Variants in DST observed in about 807,000 individuals in gnomAD.
DST encodes bullous pemphigoid antigen.
Under a neutral mutation model 875.2 loss-of-function variants are expected in DST, and 253 were observed. The ratio of observed to expected loss-of-function variants is 0.29; its 90% CI spans 0.26 to 0.32. The LOEUF (loss-of-function observed/expected upper bound fraction) is 0.32, where lower values mean the gene tolerates loss of function less well. Among genes scored for constraint, DST ranks in the 10% least tolerant of loss-of-function variants. The pLI, the probability that DST is intolerant of heterozygous loss-of-function variation, is 1.00. For missense variants in DST, 8,287 were observed against 9,111.6 expected (o/e 0.91, Z 3.68); for synonymous variants, 3,124 against 3,197.1 (o/e 0.98, Z 0.77).
At chr6:56,634,773 C>G (rs760347507) in intron 25 of DST, 28 bp downstream of exon 25, 20 of 1,611,558 alleles carry the variant, frequency 1.2e-5, no homozygotes, top group Non-Finnish European at 1.7e-5. Context: ...ATGACAGAAA[C>G]TGGTCTGTTT....
intron 5 of DST, among the ~76,000 whole-genome samples, chr6:56,732,526 C>G (rs913068549): frequency 6.6e-6 from 1 of 151,822 alleles, no homozygotes; most frequent in Non-Finnish European, 1.5e-5. Flanking sequence ...GAAACTGTAT[C>G]GAAGAGCAAA....
At chr6:56,841,214 A>T (rs1043555868) in intron 4 of DST, among the ~76,000 whole-genome samples, 1 of 152,224 alleles carries the variant, frequency 6.6e-6, no homozygotes, top group Admixed American at 6.5e-5. Flanking sequence ...GCTTCAAAAC[A>T]CATCGGGAAA....
chr6:56,715,796 C>T (rs996721885), intron 5 of DST, among the ~76,000 whole-genome samples: 1 of 152,118 alleles, frequency 6.6e-6, no homozygotes, highest in African/African-American at 2.4e-5. Flanking sequence ...GCAGCTTCCC[C>T]AGAGCTCAGA....
At chr6:56,599,878 C>T (rs901373375) in intron 45 of DST, among the ~76,000 whole-genome samples, 191 bp downstream of exon 45, 1 of 152,040 alleles carries the variant, frequency 6.6e-6, no homozygotes, top group African/African-American at 2.4e-5. Flanking sequence ...AAAAAAATTA[C>T]CTAGCTTGCT....
intron 75 of DST, 96 bp from the exon 76 acceptor site, chr6:56,506,885 G>A: frequency 8.0e-7 from 1 of 1,254,408 alleles, no homozygotes; most frequent in Non-Finnish European, 1.1e-6. Flanking sequence ...ATTTCTAGAA[G>A]GTGGCATTCT....
intron 5 of DST, among the ~76,000 whole-genome samples, chr6:56,715,525 C>A (rs1283976496): frequency 3.9e-5 from 6 of 152,122 alleles, no homozygotes; most frequent in Non-Finnish European, 7.4e-5. Flanking sequence ...TCACCAAGCG[C>A]AAAGAGGGAG....
At chr6:56,777,803 T>C (rs1186651275) in intron 4 of DST, among the ~76,000 whole-genome samples, 2 of 151,732 alleles carry the variant, frequency 1.3e-5, no homozygotes, top group Non-Finnish European at 2.9e-5. Context: ...GCCCAAGCCA[T>C]CCTCCCACCT....
Position 56,625,256 on chromosome 6 carries a change from T to C in DST, c.4731A>G (p.Glu1577=), listed in dbSNP as rs749372301. 1.2e-6 allele frequency: 2 copies of C among 1,608,498 alleles called. No individual in the cohort carries two copies. The highest frequency in any genetic ancestry group is 1.3e-5 in the African/African-American group (1 of 74,794). The change falls in exon 35 of 104, where the codon GAA becomes GAG. Residue 1577 remains glutamate (E), a synonymous_variant. Coordinates refer to ENST00000680361, the MANE Select transcript of DST (RefSeq NM_001374736.1). ...TGGCCCGGTAGGTCATTGTTTGTAA[T>C]TCATAGTCCTGTATAAAGGAGTCAA... ...EQYSATVKDY[E]LQTMTYRAMV... is the part of the protein sequence containing the mutation.
chr6:56,566,333 A>C (rs1267737299), intron 55 of DST, among the ~76,000 whole-genome samples: 2 of 152,180 alleles, frequency 1.3e-5, no homozygotes, highest in African/African-American at 2.4e-5. Context: ...TGGTGCAGGC[A>C]CCCGAGGGAA....
In DST at chr6:56,605,200, G is replaced by A. The variant is rs2098483567; in HGVS notation, c.9428C>T (p.Thr3143Ile). 3.7e-6 allele frequency: 6 copies of A among 1,611,824 alleles called. No individual in the cohort carries two copies. The highest frequency in any genetic ancestry group is 4.2e-6 in the Non-Finnish European group (5 of 1,178,826). Residue 3143 changes from threonine (T) to isoleucine (I), a missense_variant, in exon 40 of 104, where the codon ACA (threonine) becomes ATA (isoleucine). Thr to Ile is a moderately conservative substitution (Grantham distance 89). Transcript: ENST00000680361. Reference protein sequence around the residue: ...QFENLEEIFDTSVSKEISDDI... With the variant: ...QFENLEEIFDISVSKEISDDI... ...ATCACTAATCTCTTTGGAAACTGAT[G>A]TGTCAAAAATTTCTTCAAGATTCTC... is the stretch of plus-strand genomic sequence containing the variant.
chr6:56,620,046 A>C, intron 36 of DST: 1 of 1,613,828 alleles, frequency 6.2e-7, no homozygotes, highest in African/African-American at 1.3e-5. Flanking sequence ...TTTTCTCTAC[A>C]TGTATACTGA....
chr6:56,730,688 T>C (rs1563911356), intron 5 of DST, among the ~76,000 whole-genome samples: 1 of 152,198 alleles, frequency 6.6e-6, no homozygotes, highest in Non-Finnish European at 1.5e-5. Context: ...GTTTAAATTA[T>C]GCTAAAGAAT....
intron 5 of DST, among the ~76,000 whole-genome samples, chr6:56,720,349 C>CTT (rs386407172): frequency 0.13 from 16,601 of 130,060 alleles, 1,270 homozygotes; most frequent in Non-Finnish European, 0.19. Context: ...TTATCCTGTT[C>CTT]TTTTTTTTTT....
intron 4 of DST, among the ~76,000 whole-genome samples, chr6:56,824,299 G>A (rs867863638): frequency 7.9e-5 from 12 of 152,340 alleles, no homozygotes; most frequent in African/African-American, 2.6e-4. Flanking sequence ...ACGGAGTCTC[G>A]TTCACTCAGT....
intron 9 of DST, among the ~76,000 whole-genome samples, chr6:56,691,198 C>G (rs1429435162): frequency 6.6e-6 from 1 of 152,110 alleles, no homozygotes; most frequent in Admixed American, 6.6e-5. Flanking sequence ...GAAATTAAAC[C>G]AAGTGCTTAT....
At chr6:56,881,242 A>G (rs1355426187) in intron 3 of DST, among the ~76,000 whole-genome samples, 1 of 152,124 alleles carries the variant, frequency 6.6e-6, no homozygotes, top group African/African-American at 2.4e-5. Context: ...TGGGAGGCCG[A>G]TGGGGGCAGA....
intron 2 of DST, among the ~76,000 whole-genome samples, chr6:56,952,963 A>G (rs1317229828): frequency 6.6e-6 from 1 of 152,236 alleles, no homozygotes; most frequent in African/African-American, 2.4e-5. Flanking sequence ...GGTGGCATAA[A>G]ATATCTGATT....
chr6:56,508,680 T>C lies in DST; in HGVS notation c.19088A>G (p.Lys6363Arg), dbSNP rs774928789. The C allele has an allele frequency of 6.2e-7, 1 of 1,613,848 alleles. No individual in the cohort carries two copies. The highest frequency in any genetic ancestry group is 1.1e-5 in the South Asian group (1 of 91,074). The change falls in exon 75 of 104, where the codon AAA becomes AGA. Residue 6363 changes from lysine to arginine, a missense_variant. By Grantham distance (26) the Lys-to-Arg change is conservative (BLOSUM62 2). This residue lies in a region of DST where 1,292 missense variants were observed against 1,552.7 expected (regional missense o/e 0.83). Coordinates refer to ENST00000680361, the MANE Select transcript of DST (RefSeq NM_001374736.1). Reference sequence around the variant, plus strand: ...TGCTAGCTCCATCACATCCAGTAGTTTGGCTTCCCTCTCTTCCACCAGTGT... The same window carrying C: ...TGCTAGCTCCATCACATCCAGTAGTCTGGCTTCCCTCTCTTCCACCAGTGT... ...IHTLVEEREA[K>R]LLDVMELAEK...
intron 4 of DST, among the ~76,000 whole-genome samples, chr6:56,765,712 T>G (rs1043428894): frequency 3.9e-5 from 6 of 152,164 alleles, no homozygotes; most frequent in Non-Finnish European, 8.8e-5. Context: ...CCAGACAGAC[T>G]CAAGTTAAAG....
Sources: gnomAD v4.1 joint callset for allele counts (sites outside exome capture counted in the v4.1 genomes callset) on GRCh38, gnomAD v4.1.1 for gene constraint, gnomAD v4.1.1 regional missense constraint, MANE v1.5 for transcripts, NCBI Gene and HGNC (gene_info 2026-07-23, HGNC 2026-07-21) for gene names.